CTNNA3: variants seen among roughly 807,000 people sequenced by gnomAD.
CTNNA3 encodes catenin alpha-3.
CTNNA3 carries 76 observed loss-of-function variants against 95.7 expected under a neutral mutation model. That is an observed-to-expected ratio of 0.79 (90% CI 0.66 to 0.96). The LOEUF (loss-of-function observed/expected upper bound fraction) is 0.96. CTNNA3 is among the 40% of genes least tolerant of loss of function. The probability of loss-of-function intolerance (pLI) is 0.00; values close to 1 mark genes in which losing one functional copy is unlikely to be tolerated. For missense variants in CTNNA3, 1,191 were observed against 1,089.8 expected, an observed-to-expected ratio of 1.09 and a Z score of -1.31; for synonymous variants, 431 against 374.4, an observed-to-expected ratio of 1.15 and a Z score of -1.74.
chr10:66,877,285 A>T (rs1169688976), intron 7 of CTNNA3, among the ~76,000 whole-genome samples: 7 of 152,154 alleles, frequency 4.6e-5, no homozygotes, highest in Non-Finnish European at 1.0e-4. Flanking sequence ...CCAACCTCAG[A>T]GTTTCTAAAT....
intron 11 of CTNNA3, among the ~76,000 whole-genome samples, chr10:66,463,944 G>A (rs1161367699): frequency 6.6e-6 from 1 of 151,706 alleles, no homozygotes; most frequent in Non-Finnish European, 1.5e-5. Context: ...AAGACAGTAG[G>A]GAAGAGGAAT....
chr10:66,555,825 T>C (rs1167121942), intron 10 of CTNNA3, among the ~76,000 whole-genome samples: 1 of 151,930 alleles, frequency 6.6e-6, no homozygotes, highest in Non-Finnish European at 1.5e-5. Flanking sequence ...ACCCTGGAAA[T>C]AACTTTTGGA....
Position 66,043,075 on chromosome 10 carries a change from G to A in CTNNA3, c.2159+26233C>T, listed in dbSNP as rs1015943374. On this transcript the variant is annotated intron_variant, in intron 15 of 17. Coordinates refer to ENST00000433211, the MANE Select transcript of CTNNA3 (RefSeq NM_013266.4). ...GAAGTAGAAGAAAATAAAACAGAAG[G>A]TGTGTTGACAAGTAATCTCCATGGA... Among the ~76,000 whole-genome samples, 8 of 146,534 alleles carry A rather than the reference G, an allele frequency of 5.5e-5. No homozygotes were observed. The South Asian group carries it at 1.5e-3, about 28-fold the overall frequency.
intron 12 of CTNNA3, among the ~76,000 whole-genome samples, chr10:66,283,205 C>A (rs781246305): frequency 7.9e-5 from 12 of 151,784 alleles, no homozygotes; most frequent in Non-Finnish European, 1.6e-4. Context: ...AAAATGGCTT[C>A]TAGCCTCTGT....
chr10:67,410,552 A>T (rs1205146796), intron 5 of CTNNA3, among the ~76,000 whole-genome samples: 2 of 151,964 alleles, frequency 1.3e-5, no homozygotes, highest in Admixed American at 1.3e-4. Flanking sequence ...TGGCAAGAGT[A>T]CAGAGAAAAG....
chr10:66,941,844 C>G (rs1848012551), intron 7 of CTNNA3, among the ~76,000 whole-genome samples: 1 of 152,142 alleles, frequency 6.6e-6, no homozygotes, highest in Admixed American at 6.5e-5. Context: ...TATATCAGTA[C>G]ATCAGCATAT....
At chr10:66,355,661 C>G (rs1365815354) in intron 12 of CTNNA3, among the ~76,000 whole-genome samples, 1 of 151,998 alleles carries the variant, frequency 6.6e-6, no homozygotes, top group Non-Finnish European at 1.5e-5. Flanking sequence ...TTCTTTCCCA[C>G]TCTATTATGA....
chr10:67,205,059 A>C (rs183458476), intron 6 of CTNNA3, among the ~76,000 whole-genome samples: 74 of 152,308 alleles, frequency 4.9e-4, no homozygotes, highest in Non-Finnish European at 6.0e-4. Context: ...AGAATTCAGG[A>C]TCCTCATCTC....
intron 13 of CTNNA3, among the ~76,000 whole-genome samples, chr10:66,222,723 AG>A (rs1163987139): frequency 6.6e-6 from 1 of 150,650 alleles, no homozygotes; most frequent in African/African-American, 2.4e-5. Context: ...AGAAGGGAGA[AG>A]GGGGAGAGAG....
intron 9 of CTNNA3, among the ~76,000 whole-genome samples, chr10:66,634,652 T>C (rs1401825958): frequency 6.6e-6 from 1 of 151,804 alleles, no homozygotes; most frequent in Non-Finnish European, 1.5e-5. Flanking sequence ...TGAATAATTA[T>C]AACATGGTCC....
intron 11 of CTNNA3, among the ~76,000 whole-genome samples, chr10:66,471,255 A>G (rs1014479161): frequency 6.6e-6 from 1 of 151,836 alleles, no homozygotes; most frequent in Admixed American, 6.6e-5. Context: ...TATTTTTATA[A>G]TGTATATCTA....
intron 12 of CTNNA3, among the ~76,000 whole-genome samples, chr10:66,357,692 T>C (rs1385915193): frequency 6.6e-6 from 1 of 152,190 alleles, no homozygotes; most frequent in Admixed American, 6.5e-5. Context: ...TCATACTTTA[T>C]TATATAGTAT....
intron 1 of CTNNA3, among the ~76,000 whole-genome samples, chr10:67,689,473 G>A (rs1840799579): frequency 6.6e-6 from 1 of 152,166 alleles, no homozygotes; most frequent in Non-Finnish European, 1.5e-5. Context: ...ACCAGAGACA[G>A]GGAGTGCTTT....
At chr10:67,626,827 C>A (rs1292022470) in intron 2 of CTNNA3, among the ~76,000 whole-genome samples, 1 of 152,110 alleles carries the variant, frequency 6.6e-6, no homozygotes, top group East Asian at 1.9e-4. Flanking sequence ...TACATGATAT[C>A]AAATTGACTT....
intron 14 of CTNNA3, among the ~76,000 whole-genome samples, chr10:66,084,368 C>T (rs1055884340): frequency 6.6e-5 from 10 of 151,896 alleles, no homozygotes; most frequent in Middle Eastern, 3.4e-3. Context: ...ATACACCTAT[C>T]ATGTATCCAC....
intron 9 of CTNNA3, among the ~76,000 whole-genome samples, chr10:66,636,302 T>C (rs1051489546): frequency 5.3e-5 from 8 of 152,108 alleles, no homozygotes; most frequent in African/African-American, 1.7e-4. Context: ...ATTACAGGTT[T>C]AATCTTAACT....
intron 1 of CTNNA3, among the ~76,000 whole-genome samples, chr10:67,654,881 A>G (rs916715661): frequency 6.6e-6 from 1 of 152,080 alleles, no homozygotes; most frequent in Non-Finnish European, 1.5e-5. Context: ...GTATTTCTCT[A>G]CCTCTTTTAT....
intron 1 of CTNNA3, among the ~76,000 whole-genome samples, chr10:67,748,111 G>T (rs1239222789): frequency 6.6e-6 from 1 of 152,116 alleles, no homozygotes; most frequent in Non-Finnish European, 1.5e-5. Flanking sequence ...TACATAAAAA[G>T]ATCGAACCTA....
At chr10:67,401,704 T>C (rs1260605311) in intron 5 of CTNNA3, among the ~76,000 whole-genome samples, 2 of 152,150 alleles carry the variant, frequency 1.3e-5, no homozygotes, top group African/African-American at 2.4e-5. Context: ...TATTTCCCCC[T>C]TGCACTGCAG....
Sources: gnomAD v4.1 joint callset for allele counts (sites outside exome capture counted in the v4.1 genomes callset) on GRCh38, gnomAD v4.1.1 for gene constraint, MANE v1.5 for transcripts, NCBI Gene and HGNC (gene_info 2026-07-23, HGNC 2026-07-21) for gene names.